Variants in NEDD4L observed in about 807,000 individuals in gnomAD.
The protein encoded by NEDD4L is E3 ubiquitin-protein ligase NEDD4-like.
NEDD4L carries 54 observed loss-of-function variants against 148.9 expected under a neutral mutation model. The ratio of observed to expected loss-of-function variants is 0.36; its 90% CI spans 0.29 to 0.45. The LOEUF is 0.45. Among genes scored for constraint, NEDD4L ranks in the 20% least tolerant of loss-of-function variants. The pLI is 1.00. For synonymous variants in NEDD4L, 433 were observed against 440.7 expected (o/e 0.98, Z 0.22); for missense variants, 856 against 1,233.8 (o/e 0.69, Z 4.59).
At chr18:58,108,906 T>A (rs771868185) in intron 1 of NEDD4L, among the ~76,000 whole-genome samples, 1 of 152,228 alleles carries the variant, frequency 6.6e-6, no homozygotes, top group South Asian at 2.1e-4. Flanking sequence ...TCACATTGGA[T>A]TGCCACATGC....
chr18:58,387,538 T>C (rs1310148131), intron 27 of NEDD4L, 40 bp downstream of exon 27: 1 of 1,471,624 alleles, frequency 6.8e-7, no homozygotes, highest in East Asian at 2.4e-5. Flanking sequence ...AGTGGATTTT[T>C]TAAAGTATCT....
At chr18:58,147,371 T>TA (rs913023824) in intron 1 of NEDD4L, among the ~76,000 whole-genome samples, 8 of 151,790 alleles carry the variant, frequency 5.3e-5, no homozygotes, top group Non-Finnish European at 1.0e-4. Context: ...GGTGTAATAT[T>TA]AAAAAAAACT....
chr18:58,283,050 C>CTTCT (rs1231246040), intron 5 of NEDD4L, among the ~76,000 whole-genome samples: 5 of 150,164 alleles, frequency 3.3e-5, no homozygotes, highest in African/African-American at 1.2e-4. Context: ...TGCACACTGC[C>CTTCT]TTATTTATTT....
intron 24 of NEDD4L, 99 bp from the exon 25 acceptor site, chr18:58,383,147 T>C: frequency 1.4e-6 from 1 of 696,244 alleles, no homozygotes; most frequent in Non-Finnish European, 2.6e-6. Context: ...TATTTCTGAA[T>C]ACATGTTGTC....
chr18:58,192,856 G>GA (rs112590001), intron 2 of NEDD4L, among the ~76,000 whole-genome samples: 1 of 151,984 alleles, frequency 6.6e-6, no homozygotes, highest in African/African-American at 2.4e-5. Flanking sequence ...TTCCAGATGT[G>GA]AAAAAAAGAA....
intron 5 of NEDD4L, among the ~76,000 whole-genome samples, chr18:58,294,268 C>A (rs1382268596): frequency 6.6e-6 from 1 of 152,172 alleles, no homozygotes; most frequent in East Asian, 1.9e-4. Context: ...GGTTTTCGCA[C>A]TTGATGGTGG....
chr18:58,363,431 C>A (rs532994823), intron 19 of NEDD4L, among the ~76,000 whole-genome samples: 69 of 152,280 alleles, frequency 4.5e-4, no homozygotes, highest in African/African-American at 1.6e-3. Flanking sequence ...TGTGTATATG[C>A]AAAACCCAAT....
chr18:58,217,922 A>C (rs568124793), intron 2 of NEDD4L, among the ~76,000 whole-genome samples: 5 of 152,204 alleles, frequency 3.3e-5, no homozygotes, highest in Non-Finnish European at 7.3e-5. Flanking sequence ...TGTTATTTTT[A>C]AAAACGTACT....
chr18:58,132,339 C>T (rs1054378458), intron 1 of NEDD4L, among the ~76,000 whole-genome samples: 2 of 152,184 alleles, frequency 1.3e-5, no homozygotes, highest in African/African-American at 2.4e-5. Flanking sequence ...GGGGCTGCCA[C>T]ACAGGAATGG....
intron 1 of NEDD4L, among the ~76,000 whole-genome samples, chr18:58,095,619 G>A (rs2084348500): frequency 6.6e-6 from 1 of 152,206 alleles, no homozygotes; most frequent in South Asian, 2.1e-4. Flanking sequence ...GCCCATTGGG[G>A]CCATGGGCAT....
At chr18:58,176,055 A>C (rs1464326109) in intron 2 of NEDD4L, among the ~76,000 whole-genome samples, 3 of 152,192 alleles carry the variant, frequency 2.0e-5, no homozygotes, top group African/African-American at 7.2e-5. Flanking sequence ...CTGAGCAAAG[A>C]CTGTGCCATG....
chr18:58,150,154 T>G (rs2034538272), intron 1 of NEDD4L, among the ~76,000 whole-genome samples: 1 of 152,272 alleles, frequency 6.6e-6, no homozygotes, highest in African/African-American at 2.4e-5. Context: ...GAAGGGACGA[T>G]GTCTTTCAGT....
chr18:58,334,256 G>C (rs2041421518), intron 12 of NEDD4L, among the ~76,000 whole-genome samples: 1 of 152,168 alleles, frequency 6.6e-6, no homozygotes. Context: ...CCTTTAACCA[G>C]GAAGAACTCT....
intron 1 of NEDD4L, among the ~76,000 whole-genome samples, chr18:58,156,103 G>C (rs974817507): frequency 6.6e-6 from 1 of 152,174 alleles, no homozygotes; most frequent in Non-Finnish European, 1.5e-5. Context: ...GCCACTCCTT[G>C]AACCAGAACC....
chr18:58,285,372 A>G (rs1420883569), intron 5 of NEDD4L, among the ~76,000 whole-genome samples: 1 of 152,046 alleles, frequency 6.6e-6, no homozygotes, highest in African/African-American at 2.4e-5. Context: ...TCTGTCACCC[A>G]GGCTGGAGTG....
intron 1 of NEDD4L, among the ~76,000 whole-genome samples, chr18:58,116,001 A>G (rs879722631): frequency 1.2e-4 from 18 of 152,152 alleles, no homozygotes; most frequent in Non-Finnish European, 2.4e-4. Flanking sequence ...TGATTTTTGG[A>G]TAGCTTGACC....
At chr18:58,187,960 A>AT (rs1375155263) in intron 2 of NEDD4L, among the ~76,000 whole-genome samples, 1 of 152,108 alleles carries the variant, frequency 6.6e-6, no homozygotes, top group East Asian at 1.9e-4. Flanking sequence ...TCTTGTTTGC[A>AT]TTTTTCGCTA....
intron 9 of NEDD4L, among the ~76,000 whole-genome samples, chr18:58,328,016 A>G (rs2059455957): frequency 2.6e-5 from 4 of 151,016 alleles, no homozygotes; most frequent in South Asian, 4.2e-4. Context: ...TGGCTAGAGT[A>G]CAGTGACATG....
chr18:58,350,473 CAGA>C (rs2043735510), intron 17 of NEDD4L, among the ~76,000 whole-genome samples: 1 of 152,110 alleles, frequency 6.6e-6, no homozygotes, highest in Non-Finnish European at 1.5e-5. Flanking sequence ...ATGGATAGTT[CAGA>C]TAATGAGGGC....
Sources: allele counts gnomAD v4.1 joint callset (sites outside exome capture counted in the v4.1 genomes callset), GRCh38; gene constraint gnomAD v4.1.1; transcripts MANE v1.5; gene names NCBI Gene and HGNC (gene_info 2026-07-23, HGNC 2026-07-21).